Variants in RPRD1B observed in about 807,000 individuals in gnomAD.
RPRD1B encodes the protein regulation of nuclear pre-mRNA domain containing 1B, also known as regulation of nuclear pre-mRNA domain-containing protein 1B.
In RPRD1B, 11 loss-of-function variants were observed where a neutral mutation model predicts 41.5. The ratio of observed to expected loss-of-function variants is 0.27; its 90% CI spans 0.17 to 0.44. The LOEUF is 0.44. Ranked by LOEUF, RPRD1B falls within the 20% of genes least tolerant of loss-of-function variation. RPRD1B has a pLI of 1.00. For synonymous variants in RPRD1B, 158 were observed against 155.6 expected (o/e 1.02, Z -0.12); for missense variants, 248 against 389.9 (o/e 0.64, Z 3.06).
chr20:38,091,506 C>T lies in RPRD1B; in HGVS notation c.*1631C>T. The T allele has an allele frequency of 1.0e-6, 1 of 985,400 alleles. No individual in the cohort carries two copies. 61.0% of individuals were successfully genotyped at this position (985,400 alleles called of 1,614,324 possible). A position where few individuals can be genotyped will look rare whatever the true frequency, so the allele number is the denominator to read the frequency against. On this transcript the variant is annotated 3_prime_UTR_variant, in exon 7 of 7. Coordinates refer to ENST00000373433, the MANE Select transcript of RPRD1B (RefSeq NM_021215.4). ...ACTGTGTGTTGTTTGCTTATGGACA[C>T]TGCCTGTCGTTCTGTCACTGTTAAA...
At chr20:38,087,919 G>A (rs971806140) in intron 6 of RPRD1B, among the ~76,000 whole-genome samples, 57 of 152,176 alleles carry the variant, frequency 3.7e-4, no homozygotes, top group African/African-American at 1.3e-3. Flanking sequence ...TGGACACTGC[G>A]GAGCCTGGTG....
At chr20:38,079,649 TG>T (rs1302404120) in intron 6 of RPRD1B, among the ~76,000 whole-genome samples, 1 of 152,216 alleles carries the variant, frequency 6.6e-6, no homozygotes, top group Non-Finnish European at 1.5e-5. Context: ...GTTGATTCCA[TG>T]TCTTTGCTAT....
chr20:38,090,939 G>A lies in RPRD1B; in HGVS notation c.*1064G>A, dbSNP rs1289720804. On this transcript the variant is annotated 3_prime_UTR_variant, in exon 7 of 7. Transcript: ENST00000373433. ...GGTCCTTGTCCCCACACGACGGGGAGTACTTGCGTCAGATGTTATTGAATA... is the reference window on the plus strand; with the variant it reads ...GGTCCTTGTCCCCACACGACGGGGAATACTTGCGTCAGATGTTATTGAATA... 1 of 985,398 alleles carries A rather than the reference G, an allele frequency of 1.0e-6. No individual in the cohort carries two copies. Among genetic ancestry groups the A allele is most frequent in the Non-Finnish European group, 1.2e-6 (1 of 829,916 alleles). The allele number at this position is 985,398 out of a possible 1,614,324, so 61.0% of individuals were successfully genotyped here. A position where few individuals can be genotyped will look rare whatever the true frequency, so the allele number is the denominator to read the frequency against.
chr20:38,049,689 A>G, intron 3 of RPRD1B: 1 of 470,658 alleles, frequency 2.1e-6, no homozygotes. Context: ...TTAAAGAGTA[A>G]GATCAAATGT....
At chr20:38,063,179 C>T (rs6068657) in intron 5 of RPRD1B, among the ~76,000 whole-genome samples, 31,500 of 152,000 alleles carry the variant, frequency 0.21, 3,657 homozygotes, top group African/African-American at 0.32. Context: ...TTCTCATTTT[C>T]TTAGGCCTTT....
chr20:38,042,047 A>C (rs2074071714), intron 2 of RPRD1B, among the ~76,000 whole-genome samples: 1 of 152,142 alleles, frequency 6.6e-6, no homozygotes, highest in South Asian at 2.1e-4. Context: ...ATATTTGTTA[A>C]ATGAGTTAAT....
intron 6 of RPRD1B, among the ~76,000 whole-genome samples, chr20:38,069,383 G>C (rs952240978): frequency 6.6e-6 from 1 of 152,160 alleles, no homozygotes; most frequent in African/African-American, 2.4e-5. Context: ...TTCTGATTGT[G>C]GTTTAAGGTA....
chr20:38,052,496 A>G (rs1199327154), intron 3 of RPRD1B, among the ~76,000 whole-genome samples: 1 of 152,158 alleles, frequency 6.6e-6, no homozygotes, highest in African/African-American at 2.4e-5. Flanking sequence ...TTTTCTCTCC[A>G]CAAGTAAAGT....
At chr20:38,086,316 T>G (rs2074560726) in intron 6 of RPRD1B, among the ~76,000 whole-genome samples, 4 of 152,256 alleles carry the variant, frequency 2.6e-5, no homozygotes, top group Admixed American at 2.6e-4. Context: ...TCGAGCCTGC[T>G]TGCCTCTCTT....
intron 6 of RPRD1B, among the ~76,000 whole-genome samples, chr20:38,068,043 A>G (rs936858012): frequency 6.6e-6 from 1 of 152,212 alleles, no homozygotes. Flanking sequence ...TTCCCTCCCC[A>G]CAGTTGCACT....
intron 6 of RPRD1B, among the ~76,000 whole-genome samples, chr20:38,086,791 TC>T (rs1272423780): frequency 6.6e-6 from 1 of 152,208 alleles, no homozygotes; most frequent in Non-Finnish European, 1.5e-5. Context: ...TCCGTCCACT[TC>T]CAGAGTGGCC....
At position 38,092,095 on chromosome 20, in the gene RPRD1B, G is replaced by C. The variant is rs1441668456; in HGVS notation, c.*2220G>C. The C allele has an allele frequency of 1.0e-6, 1 of 985,582 alleles. No individual in the cohort carries two copies. The highest frequency in any genetic ancestry group is 1.2e-6 in the Non-Finnish European group (1 of 829,906). The allele number at this position is 985,582 out of a possible 1,614,324, so 61.1% of individuals were successfully genotyped here. On this transcript the variant is annotated 3_prime_UTR_variant, in exon 7 of 7. Transcript: ENST00000373433. ...TTGTATGTATGAGGTGACTTGGTGG[G>C]TGGGGTGGGTGGTTTTTGTTTTTGT... is the stretch of plus-strand genomic sequence containing the variant.
chr20:38,039,391 C>G (rs913269164), intron 1 of RPRD1B, among the ~76,000 whole-genome samples: 38 of 150,734 alleles, frequency 2.5e-4, no homozygotes, highest in African/African-American at 8.6e-4. Context: ...AGTTTAGGAG[C>G]AAAATTACAA....
chr20:38,081,181 A>ATTTTTCCTATCAATGAGCATAGAAG (rs1568662233), intron 6 of RPRD1B, among the ~76,000 whole-genome samples: 2 of 151,134 alleles, frequency 1.3e-5, no homozygotes, highest in Non-Finnish European at 2.9e-5. Context: ...AACAATATTG[A>ATTTTTCCTATCAATGAGCATAGAAG]TTTTTCCTAT....
chr20:38,037,594 G>C (rs961574077), intron 1 of RPRD1B, among the ~76,000 whole-genome samples: 2 of 152,210 alleles, frequency 1.3e-5, no homozygotes, highest in African/African-American at 4.8e-5. Flanking sequence ...TTGTGACTGT[G>C]TGTGCTCAAG....
In RPRD1B at chr20:38,091,026, A is replaced by G. The variant is rs2074607758; in HGVS notation, c.*1151A>G. On this transcript the variant is annotated 3_prime_UTR_variant, in exon 7 of 7. Coordinates refer to ENST00000373433, the MANE Select transcript of RPRD1B (RefSeq NM_021215.4). The stretch of plus-strand genomic sequence containing the variant: ...ATTAATTGGGGGTTTTAATTCTATT[A>G]TCATGTCAGCTGACATTATGACTAT... 2.0e-6 allele frequency: 2 copies of G among 985,640 alleles called. No individual in the cohort carries two copies. Among genetic ancestry groups the G allele is most frequent in the South Asian group, 4.7e-5 (1 of 21,286 alleles). The allele number at this position is 985,640 out of a possible 1,614,324, so 61.1% of individuals were successfully genotyped here. A position where few individuals can be genotyped will look rare whatever the true frequency, so the allele number is the denominator to read the frequency against.
chr20:38,085,220 G>A (rs1237415337), intron 6 of RPRD1B, among the ~76,000 whole-genome samples: 2 of 152,162 alleles, frequency 1.3e-5, no homozygotes, highest in Non-Finnish European at 2.9e-5. Flanking sequence ...AGAAGAGTGC[G>A]CTGGTGGGGA....
chr20:38,053,154 G>A (rs888422216), intron 3 of RPRD1B, among the ~76,000 whole-genome samples: 4 of 152,122 alleles, frequency 2.6e-5, no homozygotes, highest in African/African-American at 4.8e-5. Context: ...CGTGGTAGAA[G>A]CTGAATTGAT....
intron 5 of RPRD1B, among the ~76,000 whole-genome samples, chr20:38,060,412 C>T (rs2074285740): frequency 6.6e-6 from 1 of 152,184 alleles, no homozygotes; most frequent in East Asian, 1.9e-4. Flanking sequence ...ATATTTCCCT[C>T]AACAAATATT....
Sources: gnomAD v4.1 joint callset for allele counts (sites outside exome capture counted in the v4.1 genomes callset) on GRCh38, gnomAD v4.1.1 for gene constraint, MANE v1.5 for transcripts, NCBI Gene and HGNC (gene_info 2026-07-23, HGNC 2026-07-21) for gene names.